The following RRH variants were observed in gnomAD, a reference collection of about 807,000 sequenced individuals.
RRH encodes retinal pigment epithelium-derived rhodopsin homolog, also known as visual pigment-like receptor peropsin.
Under a neutral mutation model 33.1 loss-of-function variants are expected in RRH, and 36 were observed. That is an observed-to-expected ratio of 1.09 (90% CI 0.83 to 1.44). The LOEUF is 1.44. RRH is among the 40% of genes most tolerant of loss of function. The probability of loss-of-function intolerance (pLI) is 0.00; values close to 1 mark genes in which losing one functional copy is unlikely to be tolerated. For synonymous variants in RRH, 124 were observed against 140.2 expected, an observed-to-expected ratio of 0.88 and a Z score of 0.82; for missense variants, 393 against 420.2, an observed-to-expected ratio of 0.94 and a Z score of 0.57.
At position 109,836,160 on chromosome 4, in the gene RRH, G is replaced by C; in HGVS notation, c.551G>C (p.Arg184Thr). ...ACCATAAACTGGAGGAAAAATGATA[G>C]GTAAGAGACAAGTTTACACTTTATA... ...TCTINWRKND[R>T]SFVSYTMTVI... Residue 184 changes from arginine to threonine, a missense_variant and splice_region_variant, in exon 4 of 7, where the codon AGA becomes ACA. Arg to Thr is a moderately conservative substitution (Grantham distance 71, BLOSUM62 -1). Coordinates refer to ENST00000317735, the MANE Select transcript of RRH (RefSeq NM_006583.5). 1 of 1,613,938 alleles carries C rather than the reference G, an allele frequency of 6.2e-7. No individual in the cohort carries two copies.
At position 109,836,074 on chromosome 4, in the gene RRH, G is replaced by A. The variant is rs377278208; in HGVS notation, c.465G>A (p.Trp155Ter). ...ILGAWINGLF[W>*]ALMPIIGWAS... Reference sequence around the variant, plus strand: ...GAGCCTGGATCAATGGCCTGTTTTGGGCTTTGATGCCTATCATAGGGTGGG... The same window carrying A: ...GAGCCTGGATCAATGGCCTGTTTTGAGCTTTGATGCCTATCATAGGGTGGG... Residue 155 changes from tryptophan to a stop codon, truncating the protein, a stop_gained, in exon 4 of 7, where the codon TGG (tryptophan) becomes TGA (stop). Coordinates refer to ENST00000317735, the MANE Select transcript of RRH (RefSeq NM_006583.5). LOFTEE classifies it high-confidence loss of function. 2 of 1,614,104 alleles carry A rather than the reference G, an allele frequency of 1.2e-6. No individual in the cohort carries two copies. The highest frequency in any genetic ancestry group is 2.2e-5 in the East Asian group (1 of 44,866).
chr4:109,831,095 C>A (rs548016810), intron 1 of RRH, among the ~76,000 whole-genome samples: 15 of 152,276 alleles, frequency 9.9e-5, no homozygotes, highest in Admixed American at 9.8e-4. Context: ...TAGTTCATAA[C>A]CCCCATTATT....
At chr4:109,837,856 A>C (rs536932325) in intron 5 of RRH, among the ~76,000 whole-genome samples, 8 of 150,668 alleles carry the variant, frequency 5.3e-5, no homozygotes, top group Non-Finnish European at 1.2e-4. Flanking sequence ...GCTCACTGCA[A>C]CCTCCGCCTC....
chr4:109,836,795 C>T (rs995782906), intron 4 of RRH, among the ~76,000 whole-genome samples: 2 of 148,820 alleles, frequency 1.3e-5, no homozygotes, highest in African/African-American at 5.0e-5. Context: ...TGGTTCATGC[C>T]TGTAATCCCA....
intron 4 of RRH, among the ~76,000 whole-genome samples, chr4:109,836,648 T>C (rs1316818699): frequency 6.6e-6 from 1 of 152,198 alleles, no homozygotes; most frequent in Non-Finnish European, 1.5e-5. Flanking sequence ...GGCTTCTTTA[T>C]ATTTTCCAGG....
chr4:109,837,407 G>T, intron 4 of RRH, 30 bp from the exon 5 acceptor site: 1 of 1,598,378 alleles, frequency 6.3e-7, no homozygotes, highest in Non-Finnish European at 8.6e-7. Flanking sequence ...CATTAAATGA[G>T]CAATCATGAT....
At chr4:109,831,391 T>C (rs945636271) in intron 1 of RRH, among the ~76,000 whole-genome samples, 7 of 152,186 alleles carry the variant, frequency 4.6e-5, no homozygotes, top group African/African-American at 1.7e-4. Flanking sequence ...AGCCCACTTA[T>C]TAAATAAATC....
At chr4:109,829,381 A>C (rs1733702074) in intron 1 of RRH, among the ~76,000 whole-genome samples, 1 of 151,666 alleles carries the variant, frequency 6.6e-6, no homozygotes, top group African/African-American at 2.4e-5. Context: ...TACTTTGTAT[A>C]CAAGTGTTTG....
chr4:109,836,139 T>TAA lies in RRH; in HGVS notation c.532_533dup (p.Asn178LysfsTer15). 6.2e-7 allele frequency: 1 copy of TAA among 1,614,174 alleles called. No individual in the cohort carries two copies. Among genetic ancestry groups the TAA allele is most frequent in the Non-Finnish European group, 8.5e-7 (1 of 1,180,018 alleles). On this transcript the variant is annotated frameshift_variant, in exon 4 of 7. Transcript: ENST00000317735. LOFTEE classifies it high-confidence loss of function. ...GATCCTACTGGTGCTACGTGTACCA[T>TAA]AAACTGGAGGAAAAATGATAGGTAA...
intron 1 of RRH, among the ~76,000 whole-genome samples, chr4:109,831,356 A>G (rs192177732): frequency 6.6e-6 from 1 of 152,332 alleles, no homozygotes; most frequent in East Asian, 1.9e-4. Context: ...AATGATAGAA[A>G]TTAAGCAATA....
In RRH at chr4:109,835,409, G is replaced by A; in HGVS notation, c.341G>A (p.Gly114Glu). ...LNIFFGMASI[G>E]LLTVVAVDRY... ...ATTTTTTTTGGAATGGCAAGCATTGGATTACTCACGGTCGTGGCTGTGGAC... is the reference window on the plus strand; with the variant it reads ...ATTTTTTTTGGAATGGCAAGCATTGAATTACTCACGGTCGTGGCTGTGGAC... The change falls in exon 3 of 7, where the codon GGA (glycine) becomes GAA (glutamate). Residue 114 changes from glycine (G) to glutamate (E), a missense_variant. By Grantham distance (98) the Gly-to-Glu change is moderately conservative. Coordinates refer to ENST00000317735, the MANE Select transcript of RRH (RefSeq NM_006583.5). The A allele has an allele frequency of 6.2e-7, 1 of 1,614,116 alleles. No homozygotes were observed. The highest frequency in any genetic ancestry group is 8.5e-7 in the Non-Finnish European group (1 of 1,180,012).
At chr4:109,839,253 A>G (rs1354069249) in intron 5 of RRH, among the ~76,000 whole-genome samples, 1 of 152,170 alleles carries the variant, frequency 6.6e-6, no homozygotes, top group Non-Finnish European at 1.5e-5. Context: ...GGTTTAATGT[A>G]GTACTTAAAA....
rs1220317323 is a variant in RRH at position 109,844,041 on chromosome 4, A to C, written c.900-42A>C. On this transcript the variant is annotated intron_variant, in intron 6 of 6. Coordinates refer to ENST00000317735, the MANE Select transcript of RRH (RefSeq NM_006583.5). ...TTTGAAAATGCTTTAGAAGTTCCAA[A>C]TCATTATGGGTTAATGCCAGATTTT... is the stretch of plus-strand genomic sequence containing the variant. 4 of 1,305,150 alleles carry C rather than the reference A, an allele frequency of 3.1e-6. No homozygotes were observed. The Admixed American group carries it at 6.7e-5, about 22-fold the overall frequency. The allele number at this position is 1,305,150 out of a possible 1,614,324, so 80.8% of individuals were successfully genotyped here.
chr4:109,844,439 G>A lies in RRH; in HGVS notation c.*242G>A. 2.4e-6 allele frequency: 1 copy of A among 409,826 alleles called. No individual in the cohort carries two copies. Among genetic ancestry groups the A allele is most frequent in the Non-Finnish European group, 4.6e-6 (1 of 217,968 alleles). 25.4% of individuals were successfully genotyped at this position (409,826 alleles called of 1,614,324 possible). ...GATGAATTAGGCATCAGAGGTTAAG[G>A]TCCCCTTTCTTTCTCCCTATTATGG... On this transcript the variant is annotated 3_prime_UTR_variant, in exon 7 of 7. Coordinates refer to ENST00000317735, the MANE Select transcript of RRH (RefSeq NM_006583.5).
At chr4:109,842,797 A>G (rs1734010296) in intron 6 of RRH, 150 bp downstream of exon 6, 8 of 721,494 alleles carry the variant, frequency 1.1e-5, no homozygotes, top group Non-Finnish European at 7.2e-6. Context: ...TAGGACCTTA[A>G]ATGCTTAGAG....
In RRH at chr4:109,835,374, T is replaced by C. The variant is rs1486310122; in HGVS notation, c.306T>C (p.Ala102=). ...TCAATTTTGGTTTTCAGGTTTATGC[T>C]GGATTGAATATTTTTTTTGGAATGG... The part of the protein sequence containing the change: ...KFGYAGCQVY[A]GLNIFFGMAS... Residue 102 remains alanine, a synonymous_variant, in exon 3 of 7, where the codon GCT becomes GCC. Coordinates refer to ENST00000317735, the MANE Select transcript of RRH (RefSeq NM_006583.5). The C allele has an allele frequency of 1.9e-6, 3 of 1,613,722 alleles. No individual in the cohort carries two copies. Among genetic ancestry groups the C allele is most frequent in the African/African-American group, 2.7e-5 (2 of 75,034 alleles).
intron 6 of RRH, 139 bp downstream of exon 6, chr4:109,842,786 C>A: frequency 2.7e-6 from 2 of 747,240 alleles, no homozygotes; most frequent in Non-Finnish European, 2.3e-6. Flanking sequence ...GGAGCAGCAT[C>A]TAGGACCTTA....
At position 109,833,123 on chromosome 4, in the gene RRH, TTG is replaced by T; in HGVS notation, c.107-8_107-7del. On this transcript the variant is annotated splice_polypyrimidine_tract_variant and intron_variant, in intron 1 of 6. Transcript: ENST00000317735. ...AAATTAAACAAAATGCATCATATTTTTGTGTGTGTTCTCAGGTATGATAAGTA... is the reference window on the plus strand; with the variant it reads ...AAATTAAACAAAATGCATCATATTTTTGTGTGTTCTCAGGTATGATAAGTA... The T allele has an allele frequency of 6.2e-7, 1 of 1,601,622 alleles. No individual in the cohort carries two copies. Among genetic ancestry groups the T allele is most frequent in the Non-Finnish European group, 8.6e-7 (1 of 1,168,672 alleles).
At chr4:109,842,943 G>C (rs367876397) in intron 6 of RRH, among the ~76,000 whole-genome samples, 1 of 152,194 alleles carries the variant, frequency 6.6e-6, no homozygotes, top group African/African-American at 2.4e-5. Context: ...AAGAGCCTGG[G>C]ATGTCAGTGG....
Sources: allele counts gnomAD v4.1 joint callset (sites outside exome capture counted in the v4.1 genomes callset), GRCh38; gene constraint gnomAD v4.1.1; transcripts MANE v1.5; gene names NCBI Gene and HGNC (gene_info 2026-07-23, HGNC 2026-07-21).